The following GALNTL6 variants were observed in gnomAD, a reference collection of about 807,000 sequenced individuals.
GALNTL6 encodes the protein polypeptide N-acetylgalactosaminyltransferase-like 6.
Under a neutral mutation model 73.7 loss-of-function variants are expected in GALNTL6, and 46 were observed. The ratio of observed to expected loss-of-function variants is 0.62; its 90% confidence interval spans 0.49 to 0.80. GALNTL6 has a LOEUF of 0.80. Ranked by LOEUF, GALNTL6 falls within the 30% of genes least tolerant of loss-of-function variation. The pLI is 0.00. For missense variants in GALNTL6, 604 were observed against 755.0 expected, an observed-to-expected ratio of 0.80 and a Z score of 2.34; for synonymous variants, 259 against 263.7, an observed-to-expected ratio of 0.98 and a Z score of 0.17.
Position 172,562,980 on chromosome 4 carries a change from T to G in GALNTL6, c.553+214291T>G, listed in dbSNP as rs560999922. Among the ~76,000 whole-genome samples, 3 of 152,346 alleles carry G rather than the reference T, an allele frequency of 2.0e-5. No homozygotes were observed. In the South Asian group the frequency reaches 6.2e-4, roughly 32 times the overall value. The stretch of plus-strand genomic sequence containing the variant: ...TCCACTGTCCATTTTGTGCTCCCAT[T>G]GCACACAGTGTTCCTATAGCTGACT... On this transcript the variant is annotated intron_variant, in intron 5 of 12. Coordinates refer to ENST00000506823, the MANE Select transcript of GALNTL6 (RefSeq NM_001034845.3).
intron 7 of GALNTL6, among the ~76,000 whole-genome samples, chr4:172,825,418 G>A (rs1458073549): frequency 1.3e-5 from 2 of 152,104 alleles, no homozygotes; most frequent in Admixed American, 6.6e-5. Context: ...GATGGAGCTC[G>A]ATGGTAACAC....
At chr4:172,455,416 C>T (rs897787900) in intron 5 of GALNTL6, among the ~76,000 whole-genome samples, 1 of 152,134 alleles carries the variant, frequency 6.6e-6, no homozygotes, top group Non-Finnish European at 1.5e-5. Flanking sequence ...TCTAGCTCAG[C>T]GGATCCCACC....
intron 2 of GALNTL6, among the ~76,000 whole-genome samples, chr4:171,915,055 TAC>T (rs1437293516): frequency 2.0e-5 from 3 of 152,152 alleles, no homozygotes; most frequent in Non-Finnish European, 4.4e-5. Flanking sequence ...AGGATATCGA[TAC>T]AGATTTTTAA....
intron 7 of GALNTL6, among the ~76,000 whole-genome samples, chr4:172,822,768 G>A (rs951946733): frequency 1.2e-4 from 18 of 152,258 alleles, no homozygotes; most frequent in African/African-American, 4.1e-4. Flanking sequence ...ATTGATGACT[G>A]TTTTTCGTAG....
At chr4:172,777,193 C>T (rs532841382) in intron 5 of GALNTL6, among the ~76,000 whole-genome samples, 2 of 152,216 alleles carry the variant, frequency 1.3e-5, no homozygotes, top group Non-Finnish European at 2.9e-5. Flanking sequence ...AAATGCTCCC[C>T]CCCAAATATC....
chr4:171,848,740 T>C (rs1189824708), intron 2 of GALNTL6, among the ~76,000 whole-genome samples: 1 of 152,240 alleles, frequency 6.6e-6, no homozygotes, highest in Non-Finnish European at 1.5e-5. Flanking sequence ...TCTCTTGTCC[T>C]TCATAGCATT....
At chr4:172,544,584 T>G (rs1311177854) in intron 5 of GALNTL6, among the ~76,000 whole-genome samples, 1 of 152,146 alleles carries the variant, frequency 6.6e-6, no homozygotes, top group East Asian at 1.9e-4. Context: ...ATATATATTA[T>G]TTGTCTTCCT....
intron 5 of GALNTL6, among the ~76,000 whole-genome samples, chr4:172,733,644 A>G (rs972130323): frequency 1.3e-5 from 2 of 152,176 alleles, no homozygotes; most frequent in African/African-American, 4.8e-5. Flanking sequence ...TGATGGTTTT[A>G]TAAAGGGCAG....
intron 3 of GALNTL6, among the ~76,000 whole-genome samples, chr4:172,258,025 G>A (rs1263244498): frequency 6.6e-6 from 1 of 151,236 alleles, no homozygotes; most frequent in Non-Finnish European, 1.5e-5. Context: ...ATTTAGTCAA[G>A]AATGAGAGAG....
intron 3 of GALNTL6, among the ~76,000 whole-genome samples, chr4:172,243,409 C>T (rs996888836): frequency 3.9e-5 from 6 of 152,202 alleles, no homozygotes; most frequent in African/African-American, 4.8e-5. Context: ...CATGTATTTA[C>T]GTTCAATGAG....
rs958144408 is a variant in GALNTL6 at position 171,813,939 on chromosome 4, C to G, written c.-221C>G. 1.3e-5 allele frequency: 2 copies of G among 152,382 alleles called. No individual in the cohort carries two copies. The highest frequency in any genetic ancestry group is 6.5e-5 in the Admixed American group (1 of 15,278). 9.4% of individuals were successfully genotyped at this position (152,382 alleles called of 1,614,324 possible). On this transcript the variant is annotated 5_prime_UTR_variant, in exon 1 of 13. Coordinates refer to ENST00000506823, the MANE Select transcript of GALNTL6 (RefSeq NM_001034845.3). The surrounding 1 kb of genome is among the most constrained non-coding windows in gnomAD (Gnocchi z 5.2). The stretch of plus-strand genomic sequence containing the variant: ...GCCCGGATCCCGAGTCCCTGGATCC[C>G]GGTGGAGCCCGCCGGCAAGCTGGCT...
chr4:171,956,483 C>T (rs565578407), intron 2 of GALNTL6, among the ~76,000 whole-genome samples: 1 of 152,224 alleles, frequency 6.6e-6, no homozygotes, highest in African/African-American at 2.4e-5. Flanking sequence ...ACATCTTTAT[C>T]AAGATCAAGT....
chr4:172,361,528 A>C (rs926678609), intron 5 of GALNTL6, among the ~76,000 whole-genome samples: 7 of 152,172 alleles, frequency 4.6e-5, no homozygotes, highest in Admixed American at 1.3e-4. Flanking sequence ...GGTTTGAAAA[A>C]GCTTATGGAT....
At chr4:172,223,865 C>T (rs1336307212) in intron 2 of GALNTL6, among the ~76,000 whole-genome samples, 2 of 151,958 alleles carry the variant, frequency 1.3e-5, no homozygotes, top group Non-Finnish European at 2.9e-5. Context: ...CTCCTTTTTC[C>T]CATACAGTCC....
intron 5 of GALNTL6, among the ~76,000 whole-genome samples, chr4:172,649,532 A>G (rs1020914090): frequency 6.6e-6 from 1 of 152,206 alleles, no homozygotes; most frequent in African/African-American, 2.4e-5. Context: ...CTGTGTTAGA[A>G]TAATCACAAA....
chr4:172,825,094 CT>C lies in GALNTL6; in HGVS notation c.923+11374del, dbSNP rs1560977486. 5.1e-5 allele frequency among the ~76,000 whole-genome samples: 4 copies of C among 78,120 alleles called. 1 individual carries two copies. Among genetic ancestry groups the C allele is most frequent in the African/African-American group, 1.7e-4 (4 of 22,896 alleles). 51.2% of individuals were successfully genotyped at this position (78,120 alleles called of 152,430 possible). On this transcript the variant is annotated intron_variant, in intron 7 of 12. Coordinates refer to ENST00000506823, the MANE Select transcript of GALNTL6 (RefSeq NM_001034845.3). ...TTGGTTATCTTTTCTTTCTTTCTTTCTTTCTTTCTTTCTTTCTTTCTTTCTT... is the reference window on the plus strand; with the variant it reads ...TTGGTTATCTTTTCTTTCTTTCTTTCTTCTTTCTTTCTTTCTTTCTTTCTT...
intron 2 of GALNTL6, among the ~76,000 whole-genome samples, chr4:171,888,867 A>T (rs1736679991): frequency 6.6e-6 from 1 of 152,088 alleles, no homozygotes; most frequent in South Asian, 2.1e-4. Flanking sequence ...CTAGGAGTCT[A>T]TTTGAATTAA....
At chr4:172,023,312 T>C (rs1741458971) in intron 2 of GALNTL6, among the ~76,000 whole-genome samples, 1 of 151,760 alleles carries the variant, frequency 6.6e-6, no homozygotes, top group Admixed American at 6.6e-5. Context: ...TATTGGCAAA[T>C]ATAAAATAAT....
intron 3 of GALNTL6, among the ~76,000 whole-genome samples, chr4:172,254,976 A>C (rs2111023183): frequency 6.6e-6 from 1 of 151,824 alleles, no homozygotes. Flanking sequence ...TATAACTAAA[A>C]TGGATGGCAG....
Sources: allele counts gnomAD v4.1 joint callset (sites outside exome capture counted in the v4.1 genomes callset), GRCh38; gene constraint gnomAD v4.1.1; non-coding constraint Gnocchi (gnomAD v3.1); transcripts MANE v1.5; gene names NCBI Gene and HGNC (gene_info 2026-07-23, HGNC 2026-07-21).